Variants in CCDC6 observed in about 807,000 individuals in gnomAD.
CCDC6 encodes coiled-coil domain containing 6.
In CCDC6, 20 loss-of-function variants were observed where a neutral mutation model predicts 56.6. That is an observed-to-expected ratio of 0.35 (90% CI 0.25 to 0.51). CCDC6 has a LOEUF of 0.51. CCDC6 is among the 20% of genes least tolerant of loss of function. CCDC6 has a pLI of 0.95. For synonymous variants in CCDC6, 241 were observed against 234.4 expected (o/e 1.03, Z -0.26); for missense variants, 367 against 601.1 (o/e 0.61, Z 4.07).
chr10:59,846,233 A>C (rs2070990321), intron 2 of CCDC6, among the ~76,000 whole-genome samples: 1 of 151,844 alleles, frequency 6.6e-6, no homozygotes, highest in African/African-American at 2.4e-5. Flanking sequence ...TGACAGGACA[A>C]GTGAAAGAAG....
chr10:59,875,427 A>G (rs1392864359), intron 1 of CCDC6, among the ~76,000 whole-genome samples: 1 of 152,170 alleles, frequency 6.6e-6, no homozygotes, highest in Admixed American at 6.5e-5. Flanking sequence ...ACACCAGAGG[A>G]AAAAGAAGGT....
chr10:59,803,313 C>A lies in CCDC6; in HGVS notation c.1105+1107G>T, dbSNP rs567239371. Among the ~76,000 whole-genome samples, 171 of 151,686 alleles carry A rather than the reference C, an allele frequency of 1.1e-3. 1 individual carries two copies. Among genetic ancestry groups the A allele is most frequent in the African/African-American group, 4.1e-3 (168 of 41,282 alleles). ...GCTAGACTTTAACTTTTGATTGCCT[C>A]CTCTTAAAAAAAAAAAAAGTTAATG... On this transcript the variant is annotated intron_variant, in intron 7 of 8. Coordinates refer to ENST00000263102, the MANE Select transcript of CCDC6 (RefSeq NM_005436.5).
chr10:59,793,393 C>A (rs1311629405), intron 8 of CCDC6, among the ~76,000 whole-genome samples: 1 of 152,292 alleles, frequency 6.6e-6, no homozygotes, highest in South Asian at 2.1e-4. Flanking sequence ...TAAAATATCC[C>A]CTTAAATCTT....
At chr10:59,850,521 C>CTA (rs2132655333) in intron 2 of CCDC6, among the ~76,000 whole-genome samples, 1 of 152,314 alleles carries the variant, frequency 6.6e-6, no homozygotes, top group South Asian at 2.1e-4. Context: ...CACCTTCATA[C>CTA]TACGCCCTTT....
At chr10:59,835,233 A>G (rs1004075583) in intron 2 of CCDC6, among the ~76,000 whole-genome samples, 6 of 152,188 alleles carry the variant, frequency 3.9e-5, no homozygotes, top group African/African-American at 1.4e-4. Context: ...AAACTAAAAC[A>G]ATAAAGGATG....
chr10:59,869,996 A>G (rs1262248937), intron 1 of CCDC6, among the ~76,000 whole-genome samples: 1 of 152,132 alleles, frequency 6.6e-6, no homozygotes, highest in Non-Finnish European at 1.5e-5. Flanking sequence ...AGGCTGTCTC[A>G]GCCATCAAAC....
intron 3 of CCDC6, among the ~76,000 whole-genome samples, chr10:59,817,179 G>A (rs2070716202): frequency 6.6e-6 from 1 of 152,116 alleles, no homozygotes; most frequent in Non-Finnish European, 1.5e-5. Context: ...ACAATCCACA[G>A]TCATTTCTTT....
chr10:59,797,046 T>C (rs1489767863), intron 7 of CCDC6, among the ~76,000 whole-genome samples: 1 of 151,528 alleles, frequency 6.6e-6, no homozygotes, highest in Non-Finnish European at 1.5e-5. Flanking sequence ...ATGTGATATA[T>C]ATAGACATAT....
intron 3 of CCDC6, among the ~76,000 whole-genome samples, chr10:59,825,548 G>A (rs1269074008): frequency 6.6e-6 from 1 of 152,150 alleles, no homozygotes; most frequent in African/African-American, 2.4e-5. Flanking sequence ...CATCACCCAA[G>A]GATGCAAACT....
At chr10:59,820,776 TGAAA>T (rs141959182) in intron 3 of CCDC6, among the ~76,000 whole-genome samples, 50,818 of 146,676 alleles carry the variant, frequency 0.35, 9,012 homozygotes, top group African/African-American at 0.4. Flanking sequence ...AATGAACGAA[TGAAA>T]GAAAGAAAGA....
At chr10:59,844,065 T>A (rs570584106) in intron 2 of CCDC6, among the ~76,000 whole-genome samples, 1 of 152,318 alleles carries the variant, frequency 6.6e-6, no homozygotes, top group Non-Finnish European at 1.5e-5. Flanking sequence ...TTCTTCACCA[T>A]CATGTTAATT....
At chr10:59,808,969 AT>A (rs1345777215) in intron 5 of CCDC6, among the ~76,000 whole-genome samples, 5 of 152,242 alleles carry the variant, frequency 3.3e-5, no homozygotes, top group Non-Finnish European at 5.9e-5. Context: ...CTGTTTCAAC[AT>A]AGCCAGAAAC....
At position 59,794,662 on chromosome 10, in the gene CCDC6, G is replaced by A. The variant is rs1215704800; in HGVS notation, c.1106-65C>T. 28 of 1,484,558 alleles carry A rather than the reference G, an allele frequency of 1.9e-5. No homozygotes were observed. In the Admixed American group the frequency reaches 2.1e-4, roughly 11 times the overall value. The allele number at this position is 1,484,558 out of a possible 1,614,324, so 92.0% of individuals were successfully genotyped here. A position where few individuals can be genotyped will look rare whatever the true frequency, so the allele number is the denominator to read the frequency against. ...ACTATCTGGTGTCTTCAACTATCTA[G>A]GAGGTTTTAAATCGCAGTAGTTCTC... On this transcript the variant is annotated intron_variant, in intron 7 of 8. Transcript: ENST00000263102.
At position 59,862,562 on chromosome 10, in the gene CCDC6, T is replaced by TACACACACAC. The variant is rs1360725553; in HGVS notation, c.304-9861_304-9860insGTGTGTGTGT. Among the ~76,000 whole-genome samples, 118 of 101,940 alleles carry TACACACACAC rather than the reference T, an allele frequency of 1.2e-3. 2 individuals are homozygous for TACACACACAC. Among genetic ancestry groups the TACACACACAC allele is most frequent in the Non-Finnish European group, 9.5e-4 (50 of 52,688 alleles). The allele number at this position is 101,940 out of a possible 152,430, so 66.9% of individuals were successfully genotyped here. A position where few individuals can be genotyped will look rare whatever the true frequency, so the allele number is the denominator to read the frequency against. ...ACACACACACACACACACACATATATATACACATACACACACACACACATA... is the reference window on the plus strand; with the variant it reads ...ACACACACACACACACACACATATATACACACACACATACACATACACACACACACACATA... On this transcript the variant is annotated intron_variant, in intron 1 of 8. Coordinates refer to ENST00000263102, the MANE Select transcript of CCDC6 (RefSeq NM_005436.5).
chr10:59,851,001 A>G (rs1219749162), intron 2 of CCDC6, among the ~76,000 whole-genome samples: 1 of 152,080 alleles, frequency 6.6e-6, no homozygotes, highest in East Asian at 1.9e-4. Context: ...TAAGTGAACG[A>G]GAGGCCAATT....
intron 7 of CCDC6, among the ~76,000 whole-genome samples, chr10:59,797,286 G>A (rs915228046): frequency 2.0e-5 from 3 of 151,984 alleles, no homozygotes; most frequent in Admixed American, 6.6e-5. Context: ...ATAAACTACA[G>A]AGAGTTGCTG....
chr10:59,856,513 G>C (rs2132659035), intron 1 of CCDC6, among the ~76,000 whole-genome samples: 1 of 152,220 alleles, frequency 6.6e-6, no homozygotes, highest in South Asian at 2.1e-4. Flanking sequence ...CTCTGTCTTA[G>C]TCCTGTTTAT....
intron 7 of CCDC6, among the ~76,000 whole-genome samples, chr10:59,800,950 G>T (rs1018665902): frequency 8.7e-5 from 13 of 149,144 alleles, no homozygotes; most frequent in African/African-American, 2.9e-4. Context: ...CTTAAAAAAT[G>T]ATTAATTAAA....
At chr10:59,863,606 G>C (rs2071152713) in intron 1 of CCDC6, among the ~76,000 whole-genome samples, 1 of 152,088 alleles carries the variant, frequency 6.6e-6, no homozygotes, top group Non-Finnish European at 1.5e-5. Flanking sequence ...CTAGATTATA[G>C]TTCAACTCTG....
Sources: gnomAD v4.1 joint callset for allele counts (sites outside exome capture counted in the v4.1 genomes callset) on GRCh38, gnomAD v4.1.1 for gene constraint, MANE v1.5 for transcripts, NCBI Gene and HGNC (gene_info 2026-07-23, HGNC 2026-07-21) for gene names.